The following SPHKAP variants were observed in gnomAD, a reference collection of about 807,000 sequenced individuals.
SPHKAP encodes A-kinase anchor protein SPHKAP.
Under a neutral mutation model 137.5 loss-of-function variants are expected in SPHKAP, and 67 were observed. The ratio of observed to expected loss-of-function variants is 0.49; its 90% CI spans 0.40 to 0.60. The LOEUF (loss-of-function observed/expected upper bound fraction) is 0.60, where lower values mean the gene tolerates loss of function less well. SPHKAP is among the 20% of genes least tolerant of loss of function. SPHKAP has a pLI of 0.00. For synonymous variants in SPHKAP, 813 were observed against 785.3 expected, an observed-to-expected ratio of 1.04 and a Z score of -0.59; for missense variants, 2,097 against 2,069.3, an observed-to-expected ratio of 1.01 and a Z score of -0.26.
At chr2:228,102,443 A>T (rs1362398565) in intron 3 of SPHKAP, among the ~76,000 whole-genome samples, 1 of 152,110 alleles carries the variant, frequency 6.6e-6, no homozygotes, top group Admixed American at 6.5e-5. Flanking sequence ...TAATACTTAG[A>T]TATATATTGT....
intron 11 of SPHKAP, among the ~76,000 whole-genome samples, chr2:227,984,066 T>C (rs907610001): frequency 2.0e-5 from 3 of 152,072 alleles, no homozygotes; most frequent in Non-Finnish European, 4.4e-5. Flanking sequence ...TTTGGGAGGC[T>C]GAGGCAGGCT....
intron 7 of SPHKAP, among the ~76,000 whole-genome samples, chr2:228,000,007 T>C (rs1693788803): frequency 6.6e-6 from 1 of 152,242 alleles, no homozygotes; most frequent in Admixed American, 6.5e-5. Context: ...TTGACAAATG[T>C]ATAATGACTA....
In SPHKAP at chr2:228,176,922, AAATAC is replaced by A. The variant is rs147619947; in HGVS notation, c.32+4640_32+4644del. Reference sequence around the variant, plus strand: ...ATACAAAACAACAAAACAAAAAACCAAATACAATACATCACTGTTTCCTCTTCCCC... The same window carrying A: ...ATACAAAACAACAAAACAAAAAACCAAATACATCACTGTTTCCTCTTCCCC... On this transcript the variant is annotated intron_variant, in intron 1 of 11. Transcript: ENST00000392056. 2.7e-3 allele frequency among the ~76,000 whole-genome samples: 413 copies of A among 152,280 alleles called. 1 individual carries two copies. The highest frequency in any genetic ancestry group is 9.5e-3 in the African/African-American group (395 of 41,564).
rs1055187571 is a variant in SPHKAP, at chr2:228,017,381, C to T, written c.3473G>A (p.Ser1158Asn). Residue 1158 changes from serine to asparagine, a missense_variant, in exon 7 of 12, where the codon AGC becomes AAC. Transcript: ENST00000392056. ...LDYYAGKNAS[S>N]ILNSAMQQAC... ...CTGTTGCATGGCTGAGTTCAGAATGCTGCTGGCGTTCTTGCCAGCATAGTA... is the reference window on the plus strand; with the variant it reads ...CTGTTGCATGGCTGAGTTCAGAATGTTGCTGGCGTTCTTGCCAGCATAGTA... 14 of 1,613,920 alleles carry T rather than the reference C, an allele frequency of 8.7e-6. No homozygotes were observed. Among genetic ancestry groups the T allele is most frequent in the Non-Finnish European group, 1.2e-5 (14 of 1,179,924 alleles).
At chr2:228,142,274 T>C (rs749415743) in intron 1 of SPHKAP, among the ~76,000 whole-genome samples, 15 of 150,112 alleles carry the variant, frequency 1.0e-4, no homozygotes, top group Middle Eastern at 6.8e-3. Context: ...GAAATCTTTG[T>C]TGTTAAATAA....
intron 3 of SPHKAP, among the ~76,000 whole-genome samples, chr2:228,089,272 C>T (rs559287241): frequency 6.6e-6 from 1 of 152,318 alleles, no homozygotes; most frequent in Non-Finnish European, 1.5e-5. Flanking sequence ...TGTCCATGCT[C>T]TAGGGACTTG....
At chr2:228,028,948 TA>T (rs57862352) in intron 3 of SPHKAP, among the ~76,000 whole-genome samples, 1 of 151,946 alleles carries the variant, frequency 6.6e-6, no homozygotes, top group Admixed American at 6.6e-5. Flanking sequence ...TTTTGAAAGA[TA>T]AAAAGACTTT....
intron 2 of SPHKAP, among the ~76,000 whole-genome samples, chr2:228,113,553 A>G (rs778445180): frequency 1.3e-5 from 2 of 151,198 alleles, no homozygotes; most frequent in Non-Finnish European, 2.9e-5. Flanking sequence ...TTGAAATTAT[A>G]TAGCTTCTCA....
chr2:228,031,535 G>A (rs538907733), intron 3 of SPHKAP, among the ~76,000 whole-genome samples: 3 of 152,316 alleles, frequency 2.0e-5, no homozygotes, highest in East Asian at 1.9e-4. Context: ...CTCCCAGCAC[G>A]CAGCTGGAGA....
At chr2:228,033,548 G>C (rs541091730) in intron 3 of SPHKAP, among the ~76,000 whole-genome samples, 337 of 152,146 alleles carry the variant, frequency 2.2e-3, no homozygotes, top group Non-Finnish European at 3.6e-3. Flanking sequence ...ATCTAGAGAA[G>C]TCTCCACCCC....
intron 1 of SPHKAP, among the ~76,000 whole-genome samples, chr2:228,154,992 A>G (rs775271793): frequency 3.9e-5 from 6 of 152,052 alleles, no homozygotes; most frequent in Non-Finnish European, 5.9e-5. Context: ...ATTACAATGC[A>G]TTTCCCAGGT....
chr2:228,028,969 G>A (rs139185615), intron 3 of SPHKAP, among the ~76,000 whole-genome samples: 367 of 152,318 alleles, frequency 2.4e-3, no homozygotes, highest in African/African-American at 8.2e-3. Context: ...TTGTTGGGTA[G>A]GGAATGGGTG....
intron 3 of SPHKAP, among the ~76,000 whole-genome samples, chr2:228,063,143 CCTATCTAT>C (rs71043020): frequency 6.1e-4 from 89 of 145,972 alleles, no homozygotes; most frequent in Middle Eastern, 3.6e-3. Context: ...TAGATAGATC[CCTATCTAT>C]CTATCTATCT....
At chr2:228,093,780 C>T (rs1479624534) in intron 3 of SPHKAP, among the ~76,000 whole-genome samples, 1 of 139,856 alleles carries the variant, frequency 7.2e-6, no homozygotes, top group East Asian at 2.3e-4. Context: ...ATCGTTTGAA[C>T]CCGGGAGGCG....
At chr2:228,014,458 A>G (rs1170276852) in intron 7 of SPHKAP, among the ~76,000 whole-genome samples, 1 of 152,242 alleles carries the variant, frequency 6.6e-6, no homozygotes, top group Non-Finnish European at 1.5e-5. Flanking sequence ...ACTGATGTAT[A>G]AAAATGTGTC....
At chr2:228,133,573 T>G (rs144022627) in intron 1 of SPHKAP, among the ~76,000 whole-genome samples, 68 of 152,344 alleles carry the variant, frequency 4.5e-4, no homozygotes, top group African/African-American at 1.5e-3. Context: ...GTTGACCACA[T>G]AGAACATGCA....
In SPHKAP at chr2:228,019,215, G is replaced by T; in HGVS notation, c.1639C>A (p.Pro547Thr). 1 of 1,613,840 alleles carries T rather than the reference G, an allele frequency of 6.2e-7. No individual in the cohort carries two copies. Among genetic ancestry groups the T allele is most frequent in the Non-Finnish European group, 8.5e-7 (1 of 1,180,048 alleles). ...GGAAAGGAGTACTCATTGATGGAAG[G>T]TTCCTTGAGTCCTTGGGGTGCTTGA... ...QTQAPQGLKE[P>T]SINEYSFPSA... Residue 547 changes from proline (P) to threonine (T), a missense_variant, in exon 7 of 12, where the codon CCT becomes ACT. Physicochemically the swap from Pro to Thr is conservative, Grantham distance 38. Transcript: ENST00000392056.
intron 3 of SPHKAP, among the ~76,000 whole-genome samples, chr2:228,048,565 A>G (rs1696148533): frequency 6.6e-6 from 1 of 152,150 alleles, no homozygotes; most frequent in African/African-American, 2.4e-5. Flanking sequence ...CTGTTCCCAT[A>G]AAATTATAAT....
intron 3 of SPHKAP, among the ~76,000 whole-genome samples, chr2:228,038,931 A>G (rs1695736144): frequency 6.6e-6 from 1 of 152,248 alleles, no homozygotes. Flanking sequence ...GGAGAATTAA[A>G]TGAGCTAATA....
Sources: gnomAD v4.1 joint callset for allele counts (sites outside exome capture counted in the v4.1 genomes callset) on GRCh38, gnomAD v4.1.1 for gene constraint, MANE v1.5 for transcripts, NCBI Gene and HGNC (gene_info 2026-07-23, HGNC 2026-07-21) for gene names.